The following EXOC4 variants were observed in gnomAD, a reference collection of about 807,000 sequenced individuals.
EXOC4 encodes the protein exocyst complex component 4.
Under a neutral mutation model 107.2 loss-of-function variants are expected in EXOC4, and 71 were observed. The observed-to-expected ratio is 0.66, with a 90% CI of 0.55 to 0.81. The LOEUF is 0.81. Among genes scored for constraint, EXOC4 ranks in the 30% least tolerant of loss-of-function variants. The pLI, the probability that EXOC4 is intolerant of heterozygous loss-of-function variation, is 0.00. For missense variants in EXOC4, 1,108 were observed against 1,189.6 expected, an observed-to-expected ratio of 0.93 and a Z score of 1.01; for synonymous variants, 456 against 441.2, an observed-to-expected ratio of 1.03 and a Z score of -0.42.
chr7:133,665,174 C>CT (rs1466261474), intron 10 of EXOC4, among the ~76,000 whole-genome samples: 2 of 152,178 alleles, frequency 1.3e-5, no homozygotes, highest in Non-Finnish European at 2.9e-5. Context: ...GGAATCTATA[C>CT]TGATTTCTTC....
intron 10 of EXOC4, among the ~76,000 whole-genome samples, chr7:133,684,712 G>A (rs950043111): frequency 2.6e-5 from 4 of 152,042 alleles, no homozygotes; most frequent in Admixed American, 2.6e-4. Flanking sequence ...GAGAGTAAGC[G>A]GTCTCCTGGG....
At chr7:134,093,989 A>G in the EXOC4 span, among the ~76,000 whole-genome samples, 3 of 152,184 alleles carry the variant, frequency 2.0e-5, no homozygotes, top group Non-Finnish European at 4.4e-5. Flanking sequence ...TCAAATTAGC[A>G]ATCTAACATC....
chr7:133,691,526 C>A (rs1054971990), intron 10 of EXOC4, among the ~76,000 whole-genome samples: 2 of 152,104 alleles, frequency 1.3e-5, no homozygotes, highest in African/African-American at 2.4e-5. Flanking sequence ...TGAGTATATT[C>A]TGTATGCCAG....
At chr7:133,315,017 C>G (rs1794958396) in intron 4 of EXOC4, 1 of 152,618 alleles carries the variant, frequency 6.6e-6, no homozygotes, top group Non-Finnish European at 1.5e-5. Flanking sequence ...ATGAAGAACC[C>G]CAGGATTTTC....
At chr7:133,992,483 A>G (rs1028086386) in intron 14 of EXOC4, among the ~76,000 whole-genome samples, 2 of 151,724 alleles carry the variant, frequency 1.3e-5, no homozygotes, top group African/African-American at 2.4e-5. Context: ...GGGTTTCACT[A>G]TGTTGGCCAG....
At chr7:133,756,187 A>T (rs1795913319) in intron 10 of EXOC4, among the ~76,000 whole-genome samples, 1 of 152,176 alleles carries the variant, frequency 6.6e-6, no homozygotes, top group Non-Finnish European at 1.5e-5. Context: ...CATAAAAGCA[A>T]TGTTAACCCA....
At chr7:133,599,802 A>G (rs1801763968) in intron 9 of EXOC4, among the ~76,000 whole-genome samples, 1 of 152,130 alleles carries the variant, frequency 6.6e-6, no homozygotes, top group African/African-American at 2.4e-5. Flanking sequence ...TATAAAGTAC[A>G]AACTCATGTC....
chr7:133,471,562 C>T (rs1798879617), intron 7 of EXOC4, among the ~76,000 whole-genome samples: 1 of 152,126 alleles, frequency 6.6e-6, no homozygotes, highest in Non-Finnish European at 1.5e-5. Context: ...AACATTTAGC[C>T]TGTGGTTAAA....
At chr7:133,896,497 A>G (rs1799311098) in intron 12 of EXOC4, among the ~76,000 whole-genome samples, 1 of 136,446 alleles carries the variant, frequency 7.3e-6, no homozygotes, top group South Asian at 2.6e-4. Context: ...TGAGGGCAGA[A>G]GGAACAAAAA....
At chr7:133,986,139 C>T (rs1563081395) in intron 14 of EXOC4, among the ~76,000 whole-genome samples, 2 of 152,210 alleles carry the variant, frequency 1.3e-5, no homozygotes, top group African/African-American at 4.8e-5. Flanking sequence ...TGTCCCCATC[C>T]TTTGCAATCA....
intron 9 of EXOC4, among the ~76,000 whole-genome samples, chr7:133,554,141 T>C (rs956140430): frequency 6.6e-6 from 1 of 152,122 alleles, no homozygotes; most frequent in Admixed American, 6.5e-5. Flanking sequence ...TTATCTCAGG[T>C]GGATCTTTAG....
intron 10 of EXOC4, among the ~76,000 whole-genome samples, chr7:133,691,328 T>A (rs1794414051): frequency 1.3e-5 from 2 of 152,182 alleles, no homozygotes; most frequent in African/African-American, 4.8e-5. Context: ...TAGATATACC[T>A]CATTTGATTC....
At chr7:133,577,950 A>G (rs1435951009) in intron 9 of EXOC4, among the ~76,000 whole-genome samples, 2 of 152,204 alleles carry the variant, frequency 1.3e-5, no homozygotes, top group Non-Finnish European at 2.9e-5. Context: ...CAGTCACATT[A>G]TATAAGTCAG....
intron 14 of EXOC4, among the ~76,000 whole-genome samples, chr7:133,983,048 C>G (rs1794031325): frequency 6.6e-6 from 1 of 152,146 alleles, no homozygotes; most frequent in Non-Finnish European, 1.5e-5. Context: ...AAGGACAGTG[C>G]TAGCATCTGC....
chr7:133,825,196 A>G (rs1186525538), intron 11 of EXOC4, among the ~76,000 whole-genome samples: 2 of 151,576 alleles, frequency 1.3e-5, no homozygotes, highest in African/African-American at 4.8e-5. Flanking sequence ...AAAAAAAAAA[A>G]AGAAAGAAAG....
chr7:133,259,458 C>T (rs1584755846), intron 1 of EXOC4, among the ~76,000 whole-genome samples: 1 of 151,946 alleles, frequency 6.6e-6, no homozygotes, highest in South Asian at 2.1e-4. Flanking sequence ...AACTCCTGAC[C>T]TTAGGTGATT....
At chr7:134,067,310 C>A (rs1344840518), downstream of EXOC4, among the ~76,000 whole-genome samples, 3 of 151,992 alleles carry the variant, frequency 2.0e-5, no homozygotes, top group African/African-American at 7.3e-5. Context: ...ATGGAGTAGG[C>A]CCACGGGAGT....
At chr7:133,644,119 T>C (rs955825779) in intron 10 of EXOC4, among the ~76,000 whole-genome samples, 2 of 152,250 alleles carry the variant, frequency 1.3e-5, no homozygotes, top group African/African-American at 4.8e-5. Flanking sequence ...GTTTTTATAA[T>C]TCAAATTAGT....
At chr7:134,017,887 A>C (rs1425479969) in intron 17 of EXOC4, among the ~76,000 whole-genome samples, 1 of 152,208 alleles carries the variant, frequency 6.6e-6, no homozygotes, top group Non-Finnish European at 1.5e-5. Flanking sequence ...TCAATGTATA[A>C]TTTAGGGTTC....
Sources: gnomAD v4.1 joint callset for allele counts (sites outside exome capture counted in the v4.1 genomes callset) on GRCh38, gnomAD v4.1.1 for gene constraint, MANE v1.5 for transcripts, NCBI Gene and HGNC (gene_info 2026-07-23, HGNC 2026-07-21) for gene names.